Variants in IL22 observed in about 807,000 individuals in gnomAD.
The protein encoded by IL22 is interleukin-22.
A neutral mutation model predicts 15.5 loss-of-function variants in IL22; 15 were observed. That is an observed-to-expected ratio of 0.97 (90% CI 0.65 to 1.49). The LOEUF is 1.49. Among genes scored for constraint, IL22 ranks in the 40% most tolerant of loss-of-function variants. IL22 has a pLI of 0.00. For missense variants in IL22, 225 were observed against 215.4 expected, an observed-to-expected ratio of 1.04 and a Z score of -0.28; for synonymous variants, 91 against 82.0, an observed-to-expected ratio of 1.11 and a Z score of -0.60.
At chr12:68,249,376 A>C (rs368869068) in intron 5 of IL22, among the ~76,000 whole-genome samples, 1 of 152,216 alleles carries the variant, frequency 6.6e-6, no homozygotes, top group Non-Finnish European at 1.5e-5. Context: ...AGATTTATGC[A>C]TGGACTTTTT....
At chr12:68,250,077 CT>C in intron 5 of IL22, among the ~76,000 whole-genome samples, 1 of 152,280 alleles carries the variant, frequency 6.6e-6, no homozygotes, top group South Asian at 2.1e-4. Flanking sequence ...TCCTGTTGAT[CT>C]TTCTCTGAAC....
At chr12:68,249,037 A>G (rs189165185) in intron 5 of IL22, among the ~76,000 whole-genome samples, 161 bp from the exon 6 acceptor site, 246 of 152,316 alleles carry the variant, frequency 1.6e-3, no homozygotes, top group African/African-American at 5.4e-3. Context: ...ATGATTTGCC[A>G]AAGAGCTTAA....
intron 5 of IL22, among the ~76,000 whole-genome samples, chr12:68,249,864 T>C (rs1338865458): frequency 6.6e-6 from 1 of 152,192 alleles, no homozygotes; most frequent in African/African-American, 2.4e-5. Flanking sequence ...CTTTCACCTT[T>C]CCATACTTCT....
chr12:68,249,603 A>G (rs1406857297), intron 5 of IL22, among the ~76,000 whole-genome samples: 1 of 152,220 alleles, frequency 6.6e-6, no homozygotes, highest in Non-Finnish European at 1.5e-5. Context: ...GAAAAATACC[A>G]AATAAGTCTT....
intron 2 of IL22, 43 bp from the exon 3 acceptor site, chr12:68,252,872 T>A: frequency 6.5e-7 from 1 of 1,546,204 alleles, no homozygotes; most frequent in African/African-American, 1.4e-5. Context: ...ATTGAGCAAA[T>A]AGAAAAAAAA....
Position 68,252,538 on chromosome 12 carries a change from A to C in IL22, c.362T>G (p.Phe121Cys). ...FQPYMQEVVP[F>C]LARLSNRLST... ...TAGCCTGTTGCTGAGCCTGGCCAGG[A>C]AGGGCACCACCTCCTGCATATAAGG... Residue 121 changes from phenylalanine to cysteine, a missense_variant, in exon 4 of 6, where the codon TTC becomes TGC. By Grantham distance (205) the Phe-to-Cys change is radical. Coordinates refer to ENST00000538666, the MANE Select transcript of IL22 (RefSeq NM_020525.5). 1 of 1,614,040 alleles carries C rather than the reference A, an allele frequency of 6.2e-7. No homozygotes were observed. Among genetic ancestry groups the C allele is most frequent in the South Asian group, 1.1e-5 (1 of 91,082 alleles).
intron 5 of IL22, 141 bp downstream of exon 5, chr12:68,251,372 A>G: frequency 1.5e-6 from 1 of 669,994 alleles, no homozygotes; most frequent in Non-Finnish European, 2.7e-6. Context: ...ATATATCTAC[A>G]TACACAGACA....
chr12:68,250,257 C>T (rs1301471715), intron 5 of IL22, among the ~76,000 whole-genome samples: 1 of 152,196 alleles, frequency 6.6e-6, no homozygotes, highest in Non-Finnish European at 1.5e-5. Context: ...CTTCACTTTT[C>T]TAAAGACAAC....
intron 2 of IL22, 62 bp downstream of exon 2, chr12:68,253,201 G>A (rs532575419): frequency 7.0e-7 from 1 of 1,429,078 alleles, no homozygotes; most frequent in Non-Finnish European, 9.6e-7. Flanking sequence ...CTGAAGAAAA[G>A]TTTAAGAACT....
At position 68,252,477 on chromosome 12, in the gene IL22, T is replaced by C. The variant is rs772759790; in HGVS notation, c.396+27A>G. ...GTGGAAGGAGGGAAGGAGGGGTAGG[T>C]GGGCATAGGCTGAGAGCTGAACTTA... On this transcript the variant is annotated intron_variant, in intron 4 of 5. Transcript: ENST00000538666. 6.2e-6 allele frequency: 10 copies of C among 1,610,938 alleles called. No individual in the cohort carries two copies. The East Asian group carries it at 2.0e-4, about 32-fold the overall frequency.
Position 68,252,880 on chromosome 12 carries a change from A to T in IL22, c.187-51T>A, listed in dbSNP as rs376169440. 1.8e-5 allele frequency: 26 copies of T among 1,433,218 alleles called. No individual in the cohort carries two copies. In the African/African-American group the frequency reaches 3.4e-4, roughly 19 times the overall value. The allele number at this position is 1,433,218 out of a possible 1,614,324, so 88.8% of individuals were successfully genotyped here. A position where few individuals can be genotyped will look rare whatever the true frequency, so the allele number is the denominator to read the frequency against. On this transcript the variant is annotated intron_variant, in intron 2 of 5. Coordinates refer to ENST00000538666, the MANE Select transcript of IL22 (RefSeq NM_020525.5). ...TCTGGACATTGAGCAAATAGAAAAA[A>T]AATTTATACATAGACATGTGCCCCA...
intron 5 of IL22, among the ~76,000 whole-genome samples, chr12:68,249,776 G>A (rs1869863555): frequency 6.6e-6 from 1 of 152,106 alleles, no homozygotes; most frequent in Admixed American, 6.5e-5. Flanking sequence ...TATCATATTT[G>A]CATTATTTCA....
At chr12:68,248,960 T>A (rs1869830769) in intron 5 of IL22, 84 bp from the exon 6 acceptor site, 1 of 1,065,540 alleles carries the variant, frequency 9.4e-7, no homozygotes, top group South Asian at 1.3e-5. Flanking sequence ...AAGATTAGGT[T>A]GATGGAGACA....
intron 5 of IL22, among the ~76,000 whole-genome samples, chr12:68,249,711 G>C (rs1869862096): frequency 6.6e-6 from 1 of 152,040 alleles, no homozygotes; most frequent in Non-Finnish European, 1.5e-5. Flanking sequence ...AAACTTAATC[G>C]AAGAGGAAAC....
chr12:68,253,268 T>C lies in IL22; in HGVS notation c.181A>G (p.Lys61Glu), dbSNP rs1057130206. 4 of 1,612,944 alleles carry C rather than the reference T, an allele frequency of 2.5e-6. No individual in the cohort carries two copies. Among genetic ancestry groups the C allele is most frequent in the South Asian group, 1.1e-5 (1 of 90,932 alleles). ...YITNRTFMLA[K>E]EASLADNNTD... is the part of the protein sequence containing the mutation. ...AGCAGGATTGAGATGTATACCTCCT[T>C]AGCCAGCATGAAGGTGCGGTTGGTG... The change falls in exon 2 of 6, where the codon AAG becomes GAG. Residue 61 changes from lysine (K) to glutamate (E), a missense_variant. Physicochemically the swap from Lys to Glu is moderately conservative, Grantham distance 56. Transcript: ENST00000538666.
chr12:68,251,538 T>C lies in IL22; in HGVS notation c.437A>G (p.Gln146Arg). ...GDDLHIQRNV[Q>R]KLKDTVKKLG... is the part of the protein sequence containing the mutation. ...CTTTTTCACTGTGTCCTTCAGCTTT[T>C]GCACATTCCTCTGGATATGCAGGTC... The change falls in exon 5 of 6, where the codon CAA (glutamine) becomes CGA (arginine). Residue 146 changes from glutamine to arginine, a missense_variant. Coordinates refer to ENST00000538666, the MANE Select transcript of IL22 (RefSeq NM_020525.5). 1 of 1,612,796 alleles carries C rather than the reference T, an allele frequency of 6.2e-7. No individual in the cohort carries two copies. Among genetic ancestry groups the C allele is most frequent in the East Asian group, 2.2e-5 (1 of 44,860 alleles).
intron 5 of IL22, among the ~76,000 whole-genome samples, chr12:68,250,274 G>T (rs1869881961): frequency 6.6e-6 from 1 of 152,206 alleles, no homozygotes; most frequent in African/African-American, 2.4e-5. Context: ...CAACAAGCAA[G>T]ATGAAATCAG....
At chr12:68,252,883 T>A (rs568872779) in intron 2 of IL22, 54 bp from the exon 3 acceptor site, 41 of 1,407,458 alleles carry the variant, frequency 2.9e-5, no homozygotes, top group East Asian at 1.1e-4. Context: ...AGAAAAAAAA[T>A]TTATACATAG....
rs1210508671 is a variant in IL22 at position 68,252,819 on chromosome 12, G to A, written c.197C>T (p.Ala66Val). 1 of 1,613,816 alleles carries A rather than the reference G, an allele frequency of 6.2e-7. No individual in the cohort carries two copies. Residue 66 changes from alanine to valine, a missense_variant, in exon 3 of 6, where the codon GCT (alanine) becomes GTT (valine). By Grantham distance (64) the Ala-to-Val change is moderately conservative. Transcript: ENST00000538666. Reference sequence around the variant, plus strand: ...GAGACGAACGTCTGTGTTGTTATCAGCCAAGCTAGCCTGGAAGAGAAGAAA... The same window carrying A: ...GAGACGAACGTCTGTGTTGTTATCAACCAAGCTAGCCTGGAAGAGAAGAAA... ...TFMLAKEASL[A>V]DNNTDVRLIG...
Sources: gnomAD v4.1 joint callset for allele counts (sites outside exome capture counted in the v4.1 genomes callset) on GRCh38, gnomAD v4.1.1 for gene constraint, MANE v1.5 for transcripts, NCBI Gene and HGNC (gene_info 2026-07-23, HGNC 2026-07-21) for gene names.